Variants in MTSS1 observed in about 807,000 individuals in gnomAD.
MTSS1 encodes MTSS I-BAR domain containing 1.
Under a neutral mutation model 79.0 loss-of-function variants are expected in MTSS1, and 18 were observed. That is an observed-to-expected ratio of 0.23 (90% confidence interval 0.16 to 0.34). The LOEUF is 0.34. Among genes scored for constraint, MTSS1 ranks in the 10% least tolerant of loss-of-function variants. MTSS1 has a pLI of 1.00. For synonymous variants in MTSS1, 341 were observed against 368.6 expected (o/e 0.93, Z 0.86); for missense variants, 815 against 986.2 (o/e 0.83, Z 2.33).
intron 1 of MTSS1, among the ~76,000 whole-genome samples, chr8:124,721,258 C>T (rs992076659): frequency 7.9e-5 from 12 of 151,668 alleles, no homozygotes; most frequent in Admixed American, 5.3e-4. Flanking sequence ...AATAGTCACA[C>T]GTGGCTAGTG....
chr8:124,671,374 G>A (rs555376592), intron 3 of MTSS1, among the ~76,000 whole-genome samples: 1 of 152,144 alleles, frequency 6.6e-6, no homozygotes, highest in East Asian at 1.9e-4. Context: ...TCGAATGATG[G>A]GGCCCCTCTT....
chr8:124,589,274 G>T (rs548415278), intron 5 of MTSS1, among the ~76,000 whole-genome samples: 5 of 152,096 alleles, frequency 3.3e-5, no homozygotes, highest in Admixed American at 2.0e-4. Flanking sequence ...CAAGTGATCC[G>T]CCCGCCTCGG....
At position 124,631,522 on chromosome 8, in the gene MTSS1, T is replaced by C. The variant is rs1220150784; in HGVS notation, c.209-40287A>G. The stretch of plus-strand genomic sequence containing the variant: ...CCTCCATGCTCCCAGGCTTTGTTGG[T>C]GACCTCACCGTGCACCAGACCTTAA... On this transcript the variant is annotated intron_variant, in intron 3 of 13. Transcript: ENST00000518547. 2.0e-5 allele frequency among the ~76,000 whole-genome samples: 3 copies of C among 152,224 alleles called. No homozygotes were observed. In the East Asian group the frequency reaches 5.8e-4, roughly 29 times the overall value.
intron 3 of MTSS1, among the ~76,000 whole-genome samples, chr8:124,640,871 C>T (rs1284062894): frequency 6.6e-6 from 1 of 152,084 alleles, no homozygotes. Flanking sequence ...CCTACACCAT[C>T]CCCTCTTTAT....
intron 1 of MTSS1, among the ~76,000 whole-genome samples, chr8:124,711,922 C>T (rs1389812134): frequency 2.0e-5 from 3 of 151,276 alleles, no homozygotes; most frequent in Non-Finnish European, 4.4e-5. Flanking sequence ...GCATGAAAAT[C>T]GCTAAAGCCC....
chr8:124,557,627 A>G (rs1223702045), intron 11 of MTSS1, 54 bp downstream of exon 11: 3 of 1,470,294 alleles, frequency 2.0e-6, no homozygotes, highest in Admixed American at 4.0e-5. Flanking sequence ...GGAACAGAAG[A>G]GGGGTGAGCA....
chr8:124,559,246 T>C (rs2131862691), intron 10 of MTSS1, among the ~76,000 whole-genome samples: 1 of 152,300 alleles, frequency 6.6e-6, no homozygotes, highest in East Asian at 1.9e-4. Context: ...AGGCCCCGCC[T>C]GTCACCTCTC....
chr8:124,577,742 C>T, intron 6 of MTSS1: 1 of 451,496 alleles, frequency 2.2e-6, no homozygotes, highest in Non-Finnish European at 4.4e-6. Context: ...TGGAACCATC[C>T]CACCCTCTGC....
chr8:124,592,148 A>G (rs1831986841), intron 3 of MTSS1, among the ~76,000 whole-genome samples: 1 of 152,194 alleles, frequency 6.6e-6, no homozygotes, highest in Non-Finnish European at 1.5e-5. Flanking sequence ...GCAAATAATG[A>G]AGGAAGTTGC....
intron 3 of MTSS1, among the ~76,000 whole-genome samples, chr8:124,697,097 C>T (rs1828961477): frequency 6.6e-6 from 1 of 152,118 alleles, no homozygotes; most frequent in African/African-American, 2.4e-5. Flanking sequence ...TCCCAGGTTC[C>T]CACTACAGGA....
intron 10 of MTSS1, among the ~76,000 whole-genome samples, chr8:124,561,510 G>A (rs1825311533): frequency 6.6e-6 from 1 of 152,098 alleles, no homozygotes; most frequent in African/African-American, 2.4e-5. Context: ...AACCCAATAT[G>A]CCCTCTTCTG....
chr8:124,553,068 A>G lies in MTSS1; in HGVS notation c.2192T>C (p.Met731Thr). 2 of 1,614,068 alleles carry G rather than the reference A, an allele frequency of 1.2e-6. No homozygotes were observed. The highest frequency in any genetic ancestry group is 2.2e-5 in the South Asian group (2 of 91,078). Residue 731 changes from methionine to threonine, a missense_variant, in exon 14 of 14, where the codon ATG becomes ACG. Met to Thr is a moderately conservative substitution (Grantham distance 81). Around this residue, in one of 2 missense-constraint regions of MTSS1, gnomAD observed 590 missense variants for 620.8 expected, o/e 0.95. Transcript: ENST00000518547. The surrounding 1 kb of genome is among the most constrained non-coding windows in gnomAD (Gnocchi z 6.0). Reference protein sequence around the residue: ...SPRDTPQGEDMLNAIRRGVKL... With the variant: ...SPRDTPQGEDTLNAIRRGVKL... ...CACGCCCCTTCGGATGGCGTTCAGCATGTCTTCTCCTTGTGGAGTATCCCT... is the reference window on the plus strand; with the variant it reads ...CACGCCCCTTCGGATGGCGTTCAGCGTGTCTTCTCCTTGTGGAGTATCCCT...
At chr8:124,695,727 T>C (rs553107132) in intron 3 of MTSS1, among the ~76,000 whole-genome samples, 10 of 152,200 alleles carry the variant, frequency 6.6e-5, no homozygotes, top group Non-Finnish European at 1.5e-4. Context: ...GGTGGACTTA[T>C]AGGTACTGGA....
At position 124,552,028 on chromosome 8, in the gene MTSS1, TC is replaced by T. The variant is rs1184007462; in HGVS notation, c.*963del. On this transcript the variant is annotated 3_prime_UTR_variant, in exon 14 of 14. Coordinates refer to ENST00000518547, the MANE Select transcript of MTSS1 (RefSeq NM_014751.6). ...GTTAAGTAAAAGGCATTTACTATAA[TC>T]TAAGAATTCCCTGCTATTATCATTT... 6.5e-6 allele frequency: 1 copy of T among 152,682 alleles called. No individual in the cohort carries two copies. The highest frequency in any genetic ancestry group is 1.5e-5 in the Non-Finnish European group (1 of 68,050). The allele number at this position is 152,682 out of a possible 1,614,324, so 9.5% of individuals were successfully genotyped here. A position where few individuals can be genotyped will look rare whatever the true frequency, so the allele number is the denominator to read the frequency against.
At chr8:124,622,722 G>A (rs934928401) in intron 3 of MTSS1, among the ~76,000 whole-genome samples, 54 of 151,676 alleles carry the variant, frequency 3.6e-4, no homozygotes, top group Middle Eastern at 3.4e-3. Context: ...GAGCCCGGGT[G>A]GTGGAGGTTA....
intron 3 of MTSS1, among the ~76,000 whole-genome samples, chr8:124,616,079 T>G (rs558936407): frequency 6.6e-6 from 1 of 152,208 alleles, no homozygotes; most frequent in African/African-American, 2.4e-5. Context: ...CGCCTCCAAC[T>G]GAACCAAGAG....
At chr8:124,695,864 G>GTTTTT (rs144960393) in intron 3 of MTSS1, among the ~76,000 whole-genome samples, 1 of 120,208 alleles carries the variant, frequency 8.3e-6, no homozygotes, top group Non-Finnish European at 1.9e-5. Flanking sequence ...GAAAACTAGT[G>GTTTTT]TTGTTTTTTT....
At chr8:124,626,556 A>G (rs1167196372) in intron 3 of MTSS1, among the ~76,000 whole-genome samples, 5 of 152,134 alleles carry the variant, frequency 3.3e-5, no homozygotes, top group East Asian at 1.9e-4. Context: ...AAATCCAGAA[A>G]TAGCAATCTT....
At chr8:124,558,226 G>A (rs572426030) in intron 10 of MTSS1, among the ~76,000 whole-genome samples, 1 of 146,738 alleles carries the variant, frequency 6.8e-6, no homozygotes, top group South Asian at 2.1e-4. Flanking sequence ...ATTTCATTAT[G>A]CAAATTTAAA....
Sources: allele counts gnomAD v4.1 joint callset (sites outside exome capture counted in the v4.1 genomes callset), GRCh38; gene constraint gnomAD v4.1.1; regional missense constraint gnomAD v4.1.1; non-coding constraint Gnocchi (gnomAD v3.1); transcripts MANE v1.5; gene names NCBI Gene and HGNC (gene_info 2026-07-23, HGNC 2026-07-21).